C1orf159: variants seen among roughly 807,000 people sequenced by gnomAD.
C1orf159 encodes the protein uncharacterized protein C1orf159.
Under a neutral mutation model 25.6 loss-of-function variants are expected in C1orf159, and 19 were observed. The observed-to-expected ratio is 0.74, with a 90% CI of 0.52 to 1.09. The LOEUF (loss-of-function observed/expected upper bound fraction) is 1.09. C1orf159 is among the 50% of genes least tolerant of loss of function. The pLI, the probability that C1orf159 is intolerant of heterozygous loss-of-function variation, is 0.00. For synonymous variants in C1orf159, 139 were observed against 124.7 expected (o/e 1.12, Z -0.77); for missense variants, 274 against 290.6 (o/e 0.94, Z 0.42).
intron 7 of C1orf159, 120 bp downstream of exon 7, chr1:1,085,758 C>G: frequency 7.7e-7 from 1 of 1,301,396 alleles, no homozygotes; most frequent in South Asian, 1.5e-5. Context: ...AGGCCCTGCT[C>G]CCTCCCGGCC....
At chr1:1,083,972 G>A (rs749166549) in intron 9 of C1orf159, 11 of 1,604,792 alleles carry the variant, frequency 6.9e-6, no homozygotes, top group Admixed American at 1.7e-5. Flanking sequence ...CTGCTCAGGA[G>A]GGCCTGGCGG....
At chr1:1,083,908 T>C (rs1645784218) in intron 9 of C1orf159, 1 of 1,568,794 alleles carries the variant, frequency 6.4e-7, no homozygotes, top group Non-Finnish European at 8.6e-7. Flanking sequence ...ATAAAATGGG[T>C]CCTAACCGGG....
intron 1 of C1orf159, among the ~76,000 whole-genome samples, chr1:1,107,030 C>T (rs893301880): frequency 2.6e-5 from 4 of 152,306 alleles, no homozygotes; most frequent in East Asian, 1.9e-4. Context: ...CTGCCATGCC[C>T]GAGGCCCCCC....
At position 1,087,164 on chromosome 1, in the gene C1orf159, T is replaced by C. The variant is rs1365353234; in HGVS notation, c.285A>G (p.Ser95=). 1 of 1,609,972 alleles carries C rather than the reference T, an allele frequency of 6.2e-7. No individual in the cohort carries two copies. Among genetic ancestry groups the C allele is most frequent in the Non-Finnish European group, 8.5e-7 (1 of 1,179,060 alleles). Residue 95 remains serine (S), a synonymous_variant, in exon 6 of 10, where the codon TCA becomes TCG. Transcript: ENST00000421241. The surrounding 1 kb of genome is among the most constrained non-coding windows in gnomAD (Gnocchi z 8.3). ...PGAPFPMNRS[S]GTPGRPHPGA... ...CAGGATGTGGCCGCCCGGGGGTCCC[T>C]GAGCTTCTGTTCATGGGGAATGGCG...
At chr1:1,105,892 T>C (rs1020189755) in intron 1 of C1orf159, 2 of 151,942 alleles carry the variant, frequency 1.3e-5, no homozygotes, top group African/African-American at 4.8e-5. Context: ...AACAAATAAA[T>C]AAATAAATAG....
At chr1:1,094,359 CA>C (rs1326125215) in intron 1 of C1orf159, among the ~76,000 whole-genome samples, 1 of 152,080 alleles carries the variant, frequency 6.6e-6, no homozygotes, top group Non-Finnish European at 1.5e-5. Flanking sequence ...TATTCTTCAT[CA>C]GACTTATGTA....
intron 1 of C1orf159, chr1:1,106,657 A>C (rs1441180709): frequency 1.3e-5 from 2 of 152,252 alleles, no homozygotes; most frequent in Non-Finnish European, 2.9e-5. Context: ...CACTCTCAGC[A>C]CCTCCTGGGC....
chr1:1,109,033 G>A (rs58889389), intron 1 of C1orf159, among the ~76,000 whole-genome samples: 5 of 101,228 alleles, frequency 4.9e-5, no homozygotes, highest in South Asian at 3.7e-4. Context: ...ACCATGTCTC[G>A]GCAGCACCGT....
chr1:1,089,191 C>T lies in C1orf159; in HGVS notation c.148+1162G>A, dbSNP rs868566754. Among the ~76,000 whole-genome samples, 2 of 152,168 alleles carry T rather than the reference C, an allele frequency of 1.3e-5. No individual in the cohort carries two copies. The highest frequency in any genetic ancestry group is 4.8e-5 in the African/African-American group (2 of 41,442). On this transcript the variant is annotated intron_variant, in intron 4 of 9. Transcript: ENST00000421241. This position sits in a 1 kb window ranked among gnomAD's most constrained non-coding sequence, Gnocchi z 7.5. Reference sequence around the variant, plus strand: ...CGCGCGCCAGACGGTCCCCACCCTGCGCCTGTGCATGGGGCCACCTCGGCC... The same window carrying T: ...CGCGCGCCAGACGGTCCCCACCCTGTGCCTGTGCATGGGGCCACCTCGGCC...
Position 1,087,194 on chromosome 1 carries a change from C to T in C1orf159, c.255G>A (p.Pro85=), listed in dbSNP as rs368545047. ...NGSECRSFAG[P]GAPFPMNRSS... Reference sequence around the variant, plus strand: ...TTCTGTTCATGGGGAATGGCGCACCCGGGCCAGCAACTGTGGGATAGCAGA... The same window carrying T: ...TTCTGTTCATGGGGAATGGCGCACCTGGGCCAGCAACTGTGGGATAGCAGA... The change falls in exon 6 of 10, where the codon CCG becomes CCA. Residue 85 remains proline, a synonymous_variant. Coordinates refer to ENST00000421241, the MANE Select transcript of C1orf159 (RefSeq NM_017891.5). This position sits in a 1 kb window ranked among gnomAD's most constrained non-coding sequence, Gnocchi z 8.3. 6.2e-6 allele frequency: 10 copies of T among 1,607,562 alleles called. No individual in the cohort carries two copies. The highest frequency in any genetic ancestry group is 4.0e-5 in the African/African-American group (3 of 74,834).
intron 1 of C1orf159, among the ~76,000 whole-genome samples, chr1:1,109,183 G>C (rs1646224354): frequency 6.6e-6 from 1 of 152,210 alleles, no homozygotes; most frequent in Non-Finnish European, 1.5e-5. Context: ...TACAGACCGT[G>C]GAATATTCTA....
intron 4 of C1orf159, 48 bp downstream of exon 4, chr1:1,090,305 A>G: frequency 6.6e-7 from 1 of 1,526,688 alleles, no homozygotes; most frequent in South Asian, 1.2e-5. Context: ...CACACACACC[A>G]GTGGCTCAGG....
chr1:1,090,056 G>A (rs970584730), intron 4 of C1orf159, among the ~76,000 whole-genome samples: 1 of 152,162 alleles, frequency 6.6e-6, no homozygotes, highest in Non-Finnish European at 1.5e-5. Context: ...GAATGGCTGA[G>A]CTCATGGGCC....
chr1:1,105,184 A>G (rs750288906), intron 1 of C1orf159, among the ~76,000 whole-genome samples: 1 of 152,264 alleles, frequency 6.6e-6, no homozygotes, highest in Non-Finnish European at 1.5e-5. Context: ...TATGTTCAGT[A>G]TGTCTGGCCA....
intron 1 of C1orf159, among the ~76,000 whole-genome samples, chr1:1,101,141 T>C (rs1203297092): frequency 1.3e-5 from 2 of 152,228 alleles, no homozygotes; most frequent in Non-Finnish European, 1.5e-5. Flanking sequence ...CAGAATTCTA[T>C]GCTTTTTTTT....
chr1:1,084,570 C>A, intron 7 of C1orf159, 64 bp from the exon 8 acceptor site: 3 of 1,542,892 alleles, frequency 1.9e-6, no homozygotes, highest in East Asian at 2.4e-5. Flanking sequence ...CAGCCCAGTG[C>A]AGCGTCCGGG....
intron 1 of C1orf159, among the ~76,000 whole-genome samples, chr1:1,102,631 A>T (rs1646117789): frequency 2.1e-5 from 3 of 144,286 alleles, no homozygotes; most frequent in East Asian, 4.1e-4. Context: ...AAAAAAAAAA[A>T]AAAAAAAAAA....
In C1orf159 at chr1:1,090,634, G is replaced by C. The variant is rs1191807566; in HGVS notation, c.73-206C>G. ...ACAGCCACAGTGCACATCCCTGTGG[G>C]ACCCTGGGTGGGCGGTCTCCAAGGA... On this transcript the variant is annotated intron_variant, in intron 3 of 9. Coordinates refer to ENST00000421241, the MANE Select transcript of C1orf159 (RefSeq NM_017891.5). 4.3e-6 allele frequency: 3 copies of C among 691,798 alleles called. No homozygotes were observed. In the African/African-American group the frequency reaches 5.3e-5, roughly 12 times the overall value. 42.9% of individuals were successfully genotyped at this position (691,798 alleles called of 1,614,324 possible). A position where few individuals can be genotyped will look rare whatever the true frequency, so the allele number is the denominator to read the frequency against.
At position 1,089,229 on chromosome 1, in the gene C1orf159, G is replaced by A. The variant is rs1223656335; in HGVS notation, c.148+1124C>T. 1.3e-5 allele frequency among the ~76,000 whole-genome samples: 2 copies of A among 152,048 alleles called. No homozygotes were observed. The highest frequency in any genetic ancestry group is 2.9e-5 in the Non-Finnish European group (2 of 67,976). On this transcript the variant is annotated intron_variant, in intron 4 of 9. Transcript: ENST00000421241. The surrounding 1 kb of genome is among the most constrained non-coding windows in gnomAD (Gnocchi z 7.5). ...GGCCACCTCGGCCCTTGGACTTCACGACCCGCTGGCCTGGCCCCTCCATGG... is the reference window on the plus strand; with the variant it reads ...GGCCACCTCGGCCCTTGGACTTCACAACCCGCTGGCCTGGCCCCTCCATGG...
Sources: allele counts gnomAD v4.1 joint callset (sites outside exome capture counted in the v4.1 genomes callset), GRCh38; gene constraint gnomAD v4.1.1; non-coding constraint Gnocchi (gnomAD v3.1); transcripts MANE v1.5; gene names NCBI Gene and HGNC (gene_info 2026-07-23, HGNC 2026-07-21).